JPH1: variants seen among roughly 807,000 people sequenced by gnomAD.
JPH1 encodes junctophilin-1.
Under a neutral mutation model 53.6 loss-of-function variants are expected in JPH1, and 12 were observed. The ratio of observed to expected loss-of-function variants is 0.22; its 90% CI spans 0.14 to 0.36. The LOEUF (loss-of-function observed/expected upper bound fraction) is 0.36, where lower values mean the gene tolerates loss of function less well. JPH1 is among the 10% of genes least tolerant of loss of function. The pLI, the probability that JPH1 is intolerant of heterozygous loss-of-function variation, is 1.00. For synonymous variants in JPH1, 375 were observed against 363.8 expected (o/e 1.03, Z -0.35); for missense variants, 808 against 905.5 (o/e 0.89, Z 1.38).
chr8:74,299,432 A>G (rs2131444157), intron 2 of JPH1, among the ~76,000 whole-genome samples: 1 of 152,268 alleles, frequency 6.6e-6, no homozygotes, highest in East Asian at 1.9e-4. Context: ...TCTTGTGTCA[A>G]TCACTGAGTT....
chr8:74,273,770 C>G (rs1806771759), intron 2 of JPH1, among the ~76,000 whole-genome samples: 1 of 152,186 alleles, frequency 6.6e-6, no homozygotes, highest in Middle Eastern at 3.4e-3. Context: ...AATAATATAG[C>G]GCATTTTTAT....
Position 74,315,750 on chromosome 8 carries a change from A to G in JPH1, c.380-130T>C, listed in dbSNP as rs1808139972. On this transcript the variant is annotated intron_variant, in intron 1 of 5. Transcript: ENST00000342232. The surrounding 1 kb of genome is among the most constrained non-coding windows in gnomAD (Gnocchi z 6.3). ...CCCATTTCCAAGTCAACCCTGGGGG[A>G]TACTTTGCATCCACTTGTGAATCCC... 1.2e-6 allele frequency: 1 copy of G among 848,586 alleles called. No homozygotes were observed. The highest frequency in any genetic ancestry group is 2.2e-5 in the South Asian group (1 of 46,474). 52.6% of individuals were successfully genotyped at this position (848,586 alleles called of 1,614,324 possible).
intron 2 of JPH1, among the ~76,000 whole-genome samples, chr8:74,262,200 G>C (rs1806414671): frequency 6.6e-6 from 1 of 152,152 alleles, no homozygotes; most frequent in Non-Finnish European, 1.5e-5. Context: ...ATGACAAGAA[G>C]GAAGAACAGA....
intron 2 of JPH1, among the ~76,000 whole-genome samples, chr8:74,261,183 T>C (rs919610375): frequency 1.3e-5 from 2 of 152,176 alleles, no homozygotes; most frequent in Non-Finnish European, 2.9e-5. Flanking sequence ...ACATTACATA[T>C]TTGTCAAAAT....
In JPH1 at chr8:74,234,807, GTTCT is replaced by G. The variant is rs1241424172; in HGVS notation, c.*2240_*2243del. On this transcript the variant is annotated 3_prime_UTR_variant, in exon 6 of 6. Coordinates refer to ENST00000342232, the MANE Select transcript of JPH1 (RefSeq NM_020647.4). ...AAATAAAGGAACTCACAGGTAGGGAGTTCTTTTTCACAGCAAGAAACTTTAAATA... is the reference window on the plus strand; with the variant it reads ...AAATAAAGGAACTCACAGGTAGGGAGTTTTCACAGCAAGAAACTTTAAATA... The G allele has an allele frequency of 6.6e-6, 1 of 152,540 alleles. No homozygotes were observed. Among genetic ancestry groups the G allele is most frequent in the Non-Finnish European group, 1.5e-5 (1 of 68,018 alleles). 9.4% of individuals were successfully genotyped at this position (152,540 alleles called of 1,614,324 possible).
At chr8:74,285,371 T>G (rs983779299) in intron 2 of JPH1, among the ~76,000 whole-genome samples, 4 of 152,082 alleles carry the variant, frequency 2.6e-5, no homozygotes, top group Non-Finnish European at 5.9e-5. Flanking sequence ...AAGTCTAGCA[T>G]GTGAGCCGGT....
In JPH1 at chr8:74,312,404, G is replaced by A. The variant is rs113111528; in HGVS notation, c.1139+2457C>T. ...GTAACTAGGACAGGTGTGCGCCACC[G>A]TGTCCGGCTAATTTTCTTATTTTTT... On this transcript the variant is annotated intron_variant, in intron 2 of 5. Coordinates refer to ENST00000342232, the MANE Select transcript of JPH1 (RefSeq NM_020647.4). 7.2e-5 allele frequency among the ~76,000 whole-genome samples: 11 copies of A among 152,192 alleles called. 1 individual carries two copies. Among genetic ancestry groups the A allele is most frequent in the African/African-American group, 2.2e-4 (9 of 41,510 alleles).
chr8:74,277,632 G>GT (rs1452506594), intron 2 of JPH1, among the ~76,000 whole-genome samples: 1 of 152,118 alleles, frequency 6.6e-6, no homozygotes, highest in African/African-American at 2.4e-5. Flanking sequence ...TGTAACCCAG[G>GT]GTAAGTTACT....
intron 2 of JPH1, among the ~76,000 whole-genome samples, chr8:74,268,247 G>C (rs945865423): frequency 1.3e-5 from 2 of 152,140 alleles, no homozygotes; most frequent in Non-Finnish European, 2.9e-5. Context: ...AAAGTAAAGA[G>C]GTAAAGATTT....
chr8:74,300,317 G>A (rs533186040), intron 2 of JPH1, among the ~76,000 whole-genome samples: 51 of 152,250 alleles, frequency 3.3e-4, no homozygotes, highest in African/African-American at 1.1e-3. Flanking sequence ...AAACAAATAC[G>A]GGACTGACTG....
At chr8:74,250,485 C>T (rs934442562) in intron 3 of JPH1, among the ~76,000 whole-genome samples, 3 of 152,358 alleles carry the variant, frequency 2.0e-5, no homozygotes, top group Non-Finnish European at 4.4e-5. Flanking sequence ...GTCTCCCAAT[C>T]TTCCTTTCCA....
chr8:74,257,524 T>G (rs1227594069), intron 3 of JPH1, among the ~76,000 whole-genome samples: 1 of 152,154 alleles, frequency 6.6e-6, no homozygotes. Flanking sequence ...TGCCTCCTGA[T>G]CAGTCAGGTT....
rs1807004176 is a variant in JPH1, at chr8:74,236,590, G to C, written c.*461C>G. Reference sequence around the variant, plus strand: ...ATCCTCCGACCGCATTCCTCGGGCAGTCGTTTCCCCAGCTCCCTACTAAAA... The same window carrying C: ...ATCCTCCGACCGCATTCCTCGGGCACTCGTTTCCCCAGCTCCCTACTAAAA... On this transcript the variant is annotated 3_prime_UTR_variant, in exon 6 of 6. Transcript: ENST00000342232. The C allele has an allele frequency of 6.6e-6, 1 of 151,876 alleles. No homozygotes were observed. The highest frequency in any genetic ancestry group is 2.4e-5 in the African/African-American group (1 of 41,158). 9.4% of individuals were successfully genotyped at this position (151,876 alleles called of 1,614,324 possible).
chr8:74,272,410 ACTT>A lies in JPH1; in HGVS notation c.1140-12910_1140-12908del, dbSNP rs560446130. The stretch of plus-strand genomic sequence containing the variant: ...CTGTAATGCTAGGGGTGAAAAGAAA[ACTT>A]CTTCTCCCTTAAATCTCTCACTGGC... On this transcript the variant is annotated intron_variant, in intron 2 of 5. Transcript: ENST00000342232. Among the ~76,000 whole-genome samples, 887 of 152,220 alleles carry A rather than the reference ACTT, an allele frequency of 5.8e-3. 13 individuals carry two copies. The highest frequency in any genetic ancestry group is 0.02 in the African/African-American group (846 of 41,530).
intron 4 of JPH1, among the ~76,000 whole-genome samples, chr8:74,240,918 T>C (rs1455331160): frequency 1.3e-5 from 2 of 152,366 alleles, no homozygotes; most frequent in African/African-American, 4.8e-5. Flanking sequence ...ATTTTGAATT[T>C]GTATATTCTT....
intron 2 of JPH1, among the ~76,000 whole-genome samples, chr8:74,297,023 T>C (rs1807541111): frequency 6.6e-6 from 1 of 152,214 alleles, no homozygotes; most frequent in South Asian, 2.1e-4. Flanking sequence ...TTTTGACTCA[T>C]TTGTTCATCA....
chr8:74,256,798 T>G (rs144558240), intron 3 of JPH1, among the ~76,000 whole-genome samples: 51 of 152,304 alleles, frequency 3.3e-4, no homozygotes, highest in African/African-American at 1.2e-3. Context: ...ACATAAGATT[T>G]AATTAAGATG....
At chr8:74,310,524 T>C (rs1418443759) in intron 2 of JPH1, among the ~76,000 whole-genome samples, 1 of 152,206 alleles carries the variant, frequency 6.6e-6, no homozygotes, top group Non-Finnish European at 1.5e-5. Flanking sequence ...TACGATGTGA[T>C]ATCTACTATC....
chr8:74,249,380 G>A (rs1257715759), intron 3 of JPH1, among the ~76,000 whole-genome samples: 1 of 152,190 alleles, frequency 6.6e-6, no homozygotes, highest in Non-Finnish European at 1.5e-5. Context: ...ACTGGTAGCA[G>A]GATCACTTTT....
Sources: allele counts gnomAD v4.1 joint callset (sites outside exome capture counted in the v4.1 genomes callset), GRCh38; gene constraint gnomAD v4.1.1; non-coding constraint Gnocchi (gnomAD v3.1); transcripts MANE v1.5; gene names NCBI Gene and HGNC (gene_info 2026-07-23, HGNC 2026-07-21).